The following OTUD7A variants were observed in gnomAD, a reference collection of about 807,000 sequenced individuals.
The protein encoded by OTUD7A is OTU domain-containing protein 7A.
A neutral mutation model predicts 65.7 loss-of-function variants in OTUD7A; 12 were observed. The ratio of observed to expected loss-of-function variants is 0.18; its 90% CI spans 0.12 to 0.30. The LOEUF (loss-of-function observed/expected upper bound fraction) is 0.30, where lower values mean the gene tolerates loss of function less well. OTUD7A is among the 10% of genes least tolerant of loss of function. The probability of loss-of-function intolerance (pLI) is 1.00; values close to 1 mark genes in which losing one functional copy is unlikely to be tolerated. For synonymous variants in OTUD7A, 641 were observed against 586.3 expected, an observed-to-expected ratio of 1.09 and a Z score of -1.35; for missense variants, 1,148 against 1,304.8, an observed-to-expected ratio of 0.88 and a Z score of 1.85.
intron 1 of OTUD7A, among the ~76,000 whole-genome samples, chr15:31,833,929 T>C (rs909974001): frequency 3.3e-5 from 5 of 152,212 alleles, no homozygotes; most frequent in African/African-American, 4.8e-5. Context: ...TGGGGGGTCC[T>C]CCCCTACTCA....
intron 3 of OTUD7A, among the ~76,000 whole-genome samples, chr15:31,635,048 C>G (rs1249761524): frequency 6.6e-6 from 1 of 152,208 alleles, no homozygotes; most frequent in Non-Finnish European, 1.5e-5. Flanking sequence ...ACACCATCAG[C>G]AAGTCCTAGG....
intron 1 of OTUD7A, among the ~76,000 whole-genome samples, chr15:31,701,103 A>T (rs1172602706): frequency 6.6e-6 from 1 of 152,238 alleles, no homozygotes; most frequent in East Asian, 1.9e-4. Flanking sequence ...ACAAGGAAAG[A>T]CTCAGGAACT....
At position 31,530,778 on chromosome 15, in the gene OTUD7A, G is replaced by A. The variant is rs764011689; in HGVS notation, c.581C>T (p.Thr194Met). The change falls in exon 6 of 13, where the codon ACG becomes ATG. Residue 194 changes from threonine to methionine, a missense_variant. Thr to Met is a moderately conservative substitution (Grantham distance 81). Transcript: ENST00000307050. ...GRLNWWSTVCTSCKRLLPLAT... is the reference protein window; with the variant it reads ...GRLNWWSTVCMSCKRLLPLAT... ...CAGAGGAAGAAGCCGTTTACAGCTCGTGCACACAGTGGACCACCAGTTCAG... is the reference window on the plus strand; with the variant it reads ...CAGAGGAAGAAGCCGTTTACAGCTCATGCACACAGTGGACCACCAGTTCAG... 1.2e-5 allele frequency: 19 copies of A among 1,613,960 alleles called. No individual in the cohort carries two copies. Among genetic ancestry groups the A allele is most frequent in the East Asian group, 6.7e-5 (3 of 44,892 alleles).
At position 31,511,743 on chromosome 15, in the gene OTUD7A, A is replaced by T. The variant is rs1326832070; in HGVS notation, c.894-7925T>A. On this transcript the variant is annotated intron_variant, in intron 8 of 12. Transcript: ENST00000307050. ...GTATATCTATATGTAACACACATATATATGTATATCTATATGTAACATACA... is the reference window on the plus strand; with the variant it reads ...GTATATCTATATGTAACACACATATTTATGTATATCTATATGTAACATACA... Among the ~76,000 whole-genome samples the T allele has an allele frequency of 2.7e-5, 4 of 149,868 alleles. 1 individual carries two copies. The highest frequency in any genetic ancestry group is 6.0e-5 in the Non-Finnish European group (4 of 67,120).
chr15:31,573,284 G>A (rs937700549), intron 3 of OTUD7A, among the ~76,000 whole-genome samples: 10 of 152,230 alleles, frequency 6.6e-5, no homozygotes, highest in South Asian at 4.2e-4. Flanking sequence ...TCTGTATAAA[G>A]GCTGTAGACA....
chr15:31,590,311 G>A (rs1162662876), intron 3 of OTUD7A, among the ~76,000 whole-genome samples: 2 of 152,162 alleles, frequency 1.3e-5, no homozygotes, highest in Non-Finnish European at 1.5e-5. Context: ...TTTAATATTT[G>A]TGCAATGATG....
intron 1 of OTUD7A, among the ~76,000 whole-genome samples, chr15:31,786,088 C>G (rs962374654): frequency 2.6e-5 from 4 of 151,964 alleles, no homozygotes; most frequent in Non-Finnish European, 5.9e-5. Context: ...CACGCTCAGC[C>G]CTCTCGCCAT....
chr15:31,685,187 G>C (rs903007202), intron 1 of OTUD7A, among the ~76,000 whole-genome samples: 5 of 152,256 alleles, frequency 3.3e-5, no homozygotes, highest in African/African-American at 9.6e-5. Flanking sequence ...TTAAAATAAA[G>C]AGGTTTACAG....
intron 1 of OTUD7A, among the ~76,000 whole-genome samples, chr15:31,684,003 G>A (rs1413795001): frequency 6.6e-6 from 1 of 152,132 alleles, no homozygotes; most frequent in Non-Finnish European, 1.5e-5. Flanking sequence ...ATTGGCTCAA[G>A]ACCAAATAAG....
intron 9 of OTUD7A, among the ~76,000 whole-genome samples, chr15:31,503,112 G>C (rs2041497107): frequency 6.6e-6 from 1 of 152,160 alleles, no homozygotes; most frequent in South Asian, 2.1e-4. Flanking sequence ...CTGTAAAGTG[G>C]GGAGGGTGGT....
chr15:31,685,961 G>T (rs1259021393), intron 1 of OTUD7A, among the ~76,000 whole-genome samples: 3 of 152,246 alleles, frequency 2.0e-5, no homozygotes, highest in Non-Finnish European at 4.4e-5. Context: ...ACTGCCCTGA[G>T]GGTGTGTCTT....
At chr15:31,789,762 A>C (rs1895765920) in intron 1 of OTUD7A, among the ~76,000 whole-genome samples, 2 of 146,406 alleles carry the variant, frequency 1.4e-5, no homozygotes, top group Non-Finnish European at 3.0e-5. Flanking sequence ...CTAGAGTGCA[A>C]TGTCGCGATC....
Position 31,480,216 on chromosome 15 carries a change from G to A in OTUD7A, c.*3078C>T, listed in dbSNP as rs1188983255. ...TAAACTTGGCTTGTAAAATTTCAAC[G>A]TAACACAGCATAAAGTCTACCAACA... On this transcript the variant is annotated 3_prime_UTR_variant, in exon 13 of 13. Transcript: ENST00000307050. 1.3e-5 allele frequency: 2 copies of A among 152,068 alleles called. No individual in the cohort carries two copies. The highest frequency in any genetic ancestry group is 1.9e-4 in the East Asian group (1 of 5,202). 9.4% of individuals were successfully genotyped at this position (152,068 alleles called of 1,614,324 possible).
chr15:31,753,412 T>C (rs995607556), intron 1 of OTUD7A, among the ~76,000 whole-genome samples: 1 of 151,918 alleles, frequency 6.6e-6, no homozygotes, highest in African/African-American at 2.4e-5. Context: ...CCAGGCAGTA[T>C]ACACTGTACC....
chr15:31,633,433 C>G (rs576631133), intron 3 of OTUD7A, among the ~76,000 whole-genome samples: 1 of 152,276 alleles, frequency 6.6e-6, no homozygotes, highest in South Asian at 2.1e-4. Flanking sequence ...TAATGTTATG[C>G]TTTCTTGGTA....
intron 5 of OTUD7A, among the ~76,000 whole-genome samples, chr15:31,538,694 A>G (rs1288440101): frequency 2.6e-5 from 4 of 152,200 alleles, no homozygotes; most frequent in Non-Finnish European, 4.4e-5. Context: ...GCAAAACTGG[A>G]GCTCAAATTT....
intron 1 of OTUD7A, among the ~76,000 whole-genome samples, chr15:31,715,273 C>A (rs944199572): frequency 8.1e-5 from 12 of 148,894 alleles, no homozygotes; most frequent in Admixed American, 7.4e-4. Flanking sequence ...CGCTGTTCCA[C>A]CTCTGCAGCT....
chr15:31,681,826 C>A (rs2625783), intron 1 of OTUD7A, among the ~76,000 whole-genome samples: 9,678 of 148,016 alleles, frequency 0.065, 1,182 homozygotes, highest in African/African-American at 0.24. Context: ...ATTAACTGGG[C>A]CATTGCTCTG....
intron 8 of OTUD7A, 109 bp from the exon 9 acceptor site, chr15:31,503,927 T>C (rs1161493716): frequency 3.1e-5 from 41 of 1,343,064 alleles, no homozygotes; most frequent in Non-Finnish European, 4.0e-5. Context: ...CTGGATATTA[T>C]CTTCATGGAC....
Sources: gnomAD v4.1 joint callset for allele counts (sites outside exome capture counted in the v4.1 genomes callset) on GRCh38, gnomAD v4.1.1 for gene constraint, MANE v1.5 for transcripts, NCBI Gene and HGNC (gene_info 2026-07-23, HGNC 2026-07-21) for gene names.